IL12RB1: variants seen among roughly 807,000 people sequenced by gnomAD.
IL12RB1 encodes interleukin-12 receptor subunit beta-1.
A neutral mutation model predicts 94.4 loss-of-function variants in IL12RB1; 64 were observed. That is an observed-to-expected ratio of 0.68 (90% CI 0.55 to 0.83). The LOEUF (loss-of-function observed/expected upper bound fraction) is 0.83, where lower values mean the gene tolerates loss of function less well. Among genes scored for constraint, IL12RB1 ranks in the 40% least tolerant of loss-of-function variants. The probability of loss-of-function intolerance (pLI) is 0.00; values close to 1 mark genes in which losing one functional copy is unlikely to be tolerated. For missense variants in IL12RB1, 814 were observed against 855.6 expected, an observed-to-expected ratio of 0.95 and a Z score of 0.61; for synonymous variants, 362 against 355.5, an observed-to-expected ratio of 1.02 and a Z score of -0.21.
At chr19:18,097,499 A>G (rs911283779) in intron 1 of IL12RB1, among the ~76,000 whole-genome samples, 1 of 152,270 alleles carries the variant, frequency 6.6e-6, no homozygotes, top group Non-Finnish European at 1.5e-5. Context: ...CGCCCGGCCA[A>G]TGCGCTGGGC....
intron 11 of IL12RB1, 52 bp downstream of exon 11, chr19:18,068,337 A>T (rs996544775): frequency 5.9e-5 from 86 of 1,455,434 alleles, no homozygotes; most frequent in African/African-American, 2.7e-4. Flanking sequence ...CTATTTTTTT[A>T]AATTATTTAA....
intron 15 of IL12RB1, 108 bp downstream of exon 15, chr19:18,061,014 G>A: frequency 9.7e-6 from 7 of 719,140 alleles, no homozygotes; most frequent in Non-Finnish European, 1.8e-5. Context: ...ACTGGTTTTG[G>A]AGTCCTTACC....
chr19:18,064,716 C>A (rs999549554), intron 12 of IL12RB1, among the ~76,000 whole-genome samples: 4 of 150,482 alleles, frequency 2.7e-5, no homozygotes, highest in Non-Finnish European at 5.9e-5. Flanking sequence ...TCAAGTGATC[C>A]GCCCGCCTCA....
At chr19:18,084,697 C>CCATCCATA (rs869106779) in intron 1 of IL12RB1, among the ~76,000 whole-genome samples, 10 of 83,996 alleles carry the variant, frequency 1.2e-4, no homozygotes, top group African/African-American at 1.4e-4. Flanking sequence ...ATCCATCCAT[C>CCATCCATA]CATACATACA....
chr19:18,069,483 C>A, intron 10 of IL12RB1, 63 bp downstream of exon 10: 1 of 1,469,176 alleles, frequency 6.8e-7, no homozygotes. Flanking sequence ...AGGTTTGAAC[C>A]CACCAGGACC....
At position 18,069,602 on chromosome 19, in the gene IL12RB1, C is replaced by T. The variant is rs754241755; in HGVS notation, c.1133G>A (p.Gly378Glu). 4.3e-6 allele frequency: 7 copies of T among 1,612,842 alleles called. No individual in the cohort carries two copies. The South Asian group carries it at 5.5e-5, about 13-fold the overall frequency. ...AGTCAGGCTGCAGGTGGCAAGGCCC[C>T]CGTCCTGGCCCACAGGCTGCCATTC... ...CIEWQPVGQD[G>E]GLATCSLTAP... The change falls in exon 10 of 17, where the codon GGG (glycine) becomes GAG (glutamate). Residue 378 changes from glycine (G) to glutamate (E), a missense_variant. Gly to Glu is a moderately conservative substitution (Grantham distance 98). Coordinates refer to ENST00000593993, the MANE Select transcript of IL12RB1 (RefSeq NM_005535.3).
At chr19:18,069,829 G>T (rs2034888179) in intron 9 of IL12RB1, 116 bp from the exon 10 acceptor site, 1 of 780,372 alleles carries the variant, frequency 1.3e-6, no homozygotes, top group Non-Finnish European at 2.2e-6. Context: ...ACCCTACAGG[G>T]CCAGGGGTGT....
chr19:18,081,223 G>A (rs946093399), intron 3 of IL12RB1, among the ~76,000 whole-genome samples: 1 of 151,922 alleles, frequency 6.6e-6, no homozygotes, highest in Admixed American at 6.6e-5. Context: ...AGCCTCCCTA[G>A]TAGCTGGGAT....
upstream of IL12RB1, chr19:18,087,025 T>C: frequency 8.9e-7 from 1 of 1,127,720 alleles, no homozygotes; most frequent in Non-Finnish European, 1.3e-6. Flanking sequence ...GTCAGCTCCG[T>C]GGTGGTGGTG....
upstream of IL12RB1, chr19:18,091,315 G>A (rs1015275561): frequency 6.6e-6 from 1 of 152,250 alleles, no homozygotes; most frequent in Non-Finnish European, 1.5e-5. Flanking sequence ...CCAGAAGCTC[G>A]TCTGAGATAA....
chr19:18,064,134 C>CTTTTTTTTTTTTT lies in IL12RB1; in HGVS notation c.1484-125_1484-124insAAAAAAAAAAAAA, dbSNP rs202141133. 7.9e-6 allele frequency: 3 copies of CTTTTTTTTTTTTT among 379,416 alleles called. 1 individual carries two copies. The highest frequency in any genetic ancestry group is 4.9e-6 in the Non-Finnish European group (1 of 205,908). 23.5% of individuals were successfully genotyped at this position (379,416 alleles called of 1,614,324 possible). On this transcript the variant is annotated intron_variant, in intron 12 of 16. Coordinates refer to ENST00000593993, the MANE Select transcript of IL12RB1 (RefSeq NM_005535.3). ...CATTTTGCTAAAATCTCTACTCTTT[C>CTTTTTTTTTTTTT]TTTCTTTTTTTTTTTTTTTTTTTGA...
rs1234959486 is a variant in IL12RB1, at chr19:18,063,076, CTATTTT to C, written c.1618+794_1618+799del. On this transcript the variant is annotated intron_variant, in intron 13 of 16. Transcript: ENST00000593993. ...CTTCTTTCTTCTCCTTCTTCTTCTT[CTATTTT>C]TTTTTTTTTTTTTTTTTTTTTTTTT... Among the ~76,000 whole-genome samples the C allele has an allele frequency of 2.1e-4, 16 of 75,220 alleles. No individual in the cohort carries two copies. The East Asian group carries it at 3.1e-3, about 14-fold the overall frequency. The allele number at this position is 75,220 out of a possible 152,430, so 49.3% of individuals were successfully genotyped here.
chr19:18,068,363 TA>T, intron 11 of IL12RB1, 25 bp downstream of exon 11: 1 of 1,574,434 alleles, frequency 6.4e-7, no homozygotes, highest in Non-Finnish European at 8.6e-7. Flanking sequence ...AAAAATAATG[TA>T]AACCTGCAGG....
intron 1 of IL12RB1, among the ~76,000 whole-genome samples, chr19:18,086,529 C>G (rs2036353224): frequency 6.6e-6 from 1 of 151,956 alleles, no homozygotes; most frequent in Non-Finnish European, 1.5e-5. Context: ...TCATTGAACT[C>G]CGGGAGGTGG....
intron 1 of IL12RB1, among the ~76,000 whole-genome samples, chr19:18,095,074 G>A (rs1192810509): frequency 1.3e-5 from 2 of 151,662 alleles, no homozygotes; most frequent in East Asian, 3.9e-4. Flanking sequence ...AGCTACTCAG[G>A]AGGCTGAGGC....
At chr19:18,086,120 G>C (rs138780655) in intron 1 of IL12RB1, among the ~76,000 whole-genome samples, 14 of 152,016 alleles carry the variant, frequency 9.2e-5, no homozygotes, top group African/African-American at 3.4e-4. Context: ...CTACTCAAGG[G>C]GCTAAGGCAG....
At chr19:18,087,794 T>C (rs2036438293), upstream of IL12RB1, among the ~76,000 whole-genome samples, 1 of 152,022 alleles carries the variant, frequency 6.6e-6, no homozygotes, top group African/African-American at 2.4e-5. Context: ...AATTCTGGGA[T>C]CACAGGCGTG....
chr19:18,090,478 G>A (rs1009787449), upstream of IL12RB1, among the ~76,000 whole-genome samples: 2 of 152,094 alleles, frequency 1.3e-5, no homozygotes, highest in African/African-American at 4.8e-5. Context: ...CACAGATTGG[G>A]AAACTGAGTC....
chr19:18,085,324 A>T (rs1409349304), intron 1 of IL12RB1, among the ~76,000 whole-genome samples: 1 of 150,730 alleles, frequency 6.6e-6, no homozygotes, highest in Non-Finnish European at 1.5e-5. Flanking sequence ...CTCTGTGATG[A>T]CACAGAACCC....
Sources: gnomAD v4.1 joint callset for allele counts (sites outside exome capture counted in the v4.1 genomes callset) on GRCh38, gnomAD v4.1.1 for gene constraint, MANE v1.5 for transcripts, NCBI Gene and HGNC (gene_info 2026-07-23, HGNC 2026-07-21) for gene names.